EVA1C: variants seen among roughly 807,000 people sequenced by gnomAD.
EVA1C encodes the protein protein eva-1 homolog C.
A neutral mutation model predicts 45.4 loss-of-function variants in EVA1C; 25 were observed. That is an observed-to-expected ratio of 0.55 (90% confidence interval 0.40 to 0.77). The LOEUF (loss-of-function observed/expected upper bound fraction) is 0.77. EVA1C is among the 30% of genes least tolerant of loss of function. The probability of loss-of-function intolerance (pLI) is 0.00; values close to 1 mark genes in which losing one functional copy is unlikely to be tolerated. For synonymous variants in EVA1C, 190 were observed against 221.2 expected, an observed-to-expected ratio of 0.86 and a Z score of 1.25; for missense variants, 479 against 554.8, an observed-to-expected ratio of 0.86 and a Z score of 1.37.
Position 32,501,644 on chromosome 21 carries a change from T to C in EVA1C, c.859+149T>C, listed in dbSNP as rs537652588. The C allele has an allele frequency of 2.1e-4, 189 of 889,008 alleles. 2 individuals carry two copies. Among genetic ancestry groups the C allele is most frequent in the Admixed American group, 7.5e-5 (2 of 26,538 alleles). 55.1% of individuals were successfully genotyped at this position (889,008 alleles called of 1,614,324 possible). ...CGGTCCTGGTGATAATAGCGCTTAT[T>C]ATCGGCCAATAGTTGCAAATGGTGA... On this transcript the variant is annotated intron_variant, in intron 6 of 7. Transcript: ENST00000300255.
At chr21:32,416,360 A>C (rs1601189439) in intron 1 of EVA1C, among the ~76,000 whole-genome samples, 1 of 117,162 alleles carries the variant, frequency 8.5e-6, no homozygotes, top group Non-Finnish European at 1.7e-5. Flanking sequence ...ACGCAGTTTC[A>C]CTCTGTTGCC....
rs76916859 is a variant in EVA1C at position 32,460,114 on chromosome 21, A to G, written c.481+2394A>G. 1.0e-3 allele frequency among the ~76,000 whole-genome samples: 157 copies of G among 152,256 alleles called. 2 individuals carry two copies. The East Asian group carries it at 0.027, about 27-fold the overall frequency. ...TTCATATCATTTCAGCAAAGCCCCT[A>G]CTTTGCACAGGAGTGGAATATGAAG... On this transcript the variant is annotated intron_variant, in intron 3 of 7. Coordinates refer to ENST00000300255, the MANE Select transcript of EVA1C (RefSeq NM_058187.5).
chr21:32,513,555 T>TTC (rs931172510), intron 7 of EVA1C, among the ~76,000 whole-genome samples: 1 of 140,180 alleles, frequency 7.1e-6, no homozygotes, highest in East Asian at 2.0e-4. Flanking sequence ...TCTTTTCTTT[T>TTC]TTTTTTTTTT....
At position 32,466,141 on chromosome 21, in the gene EVA1C, C is replaced by T. The variant is rs2036163522; in HGVS notation, c.482-1555C>T. Among the ~76,000 whole-genome samples the T allele has an allele frequency of 2.0e-5, 3 of 152,184 alleles. No homozygotes were observed. The South Asian group carries it at 6.2e-4, about 31-fold the overall frequency. ...CTGCTTTAAAAAATCAAATCATTGG[C>T]CGGGCGCTTTGGCTCACGCCTGTAA... is the stretch of plus-strand genomic sequence containing the variant. On this transcript the variant is annotated intron_variant, in intron 3 of 7. Coordinates refer to ENST00000300255, the MANE Select transcript of EVA1C (RefSeq NM_058187.5).
intron 4 of EVA1C, among the ~76,000 whole-genome samples, chr21:32,487,325 G>A (rs1316210183): frequency 2.6e-5 from 4 of 152,218 alleles, no homozygotes; most frequent in Admixed American, 2.6e-4. Context: ...ATCACCAATG[G>A]TCAATGACTT....
rs148134314 is a variant in EVA1C at position 32,457,668 on chromosome 21, C to A, written c.429C>A (p.Asp143Glu). The change falls in exon 3 of 8, where the codon GAC becomes GAA. Residue 143 changes from aspartate to glutamate, a missense_variant. This residue lies in a region of EVA1C where 366 missense variants were observed against 426.1 expected (regional missense o/e 0.86). Coordinates refer to ENST00000300255, the MANE Select transcript of EVA1C (RefSeq NM_058187.5). ...LLVNSRVFGP[D>E]LCPGSSKYLL... ...TCAATAGCCGTGTTTTTGGACCTGA[C>A]CTTTGTCCAGGAAGCAGTAAATACC... is the stretch of plus-strand genomic sequence containing the variant. 24 of 1,613,972 alleles carry A rather than the reference C, an allele frequency of 1.5e-5. No individual in the cohort carries two copies. Among genetic ancestry groups the A allele is most frequent in the Non-Finnish European group, 2.0e-5 (24 of 1,179,986 alleles).
At chr21:32,504,715 C>T (rs1299670653) in intron 7 of EVA1C, among the ~76,000 whole-genome samples, 1 of 152,200 alleles carries the variant, frequency 6.6e-6, no homozygotes, top group Non-Finnish European at 1.5e-5. Flanking sequence ...CAGTAAAATA[C>T]ATGTTAATAT....
Position 32,418,644 on chromosome 21 carries a change from A to G in EVA1C, c.160+5631A>G, listed in dbSNP as rs141503910. On this transcript the variant is annotated intron_variant, in intron 1 of 7. Transcript: ENST00000300255. ...CAAAGTTGCCCAAGACCACCCAGCTAGGGAGCAGAGCTGAGGCAGGCTCCA... is the reference window on the plus strand; with the variant it reads ...CAAAGTTGCCCAAGACCACCCAGCTGGGGAGCAGAGCTGAGGCAGGCTCCA... Among the ~76,000 whole-genome samples, 633 of 152,336 alleles carry G rather than the reference A, an allele frequency of 4.2e-3. 5 individuals are homozygous for G. The highest frequency in any genetic ancestry group is 0.013 in the African/African-American group (544 of 41,580).
intron 1 of EVA1C, among the ~76,000 whole-genome samples, chr21:32,417,026 G>A (rs1271544246): frequency 6.6e-6 from 1 of 152,178 alleles, no homozygotes; most frequent in African/African-American, 2.4e-5. Flanking sequence ...CTATTTGCAG[G>A]TGCAGTTATA....
At chr21:32,422,537 C>A (rs1342871834) in intron 1 of EVA1C, among the ~76,000 whole-genome samples, 3 of 152,054 alleles carry the variant, frequency 2.0e-5, no homozygotes, top group Non-Finnish European at 4.4e-5. Flanking sequence ...CATACTGAAA[C>A]TGTAAAATAC....
chr21:32,468,919 G>C (rs960076198), intron 4 of EVA1C, among the ~76,000 whole-genome samples: 1 of 152,210 alleles, frequency 6.6e-6, no homozygotes, highest in Non-Finnish European at 1.5e-5. Flanking sequence ...CGCCGTCTGA[G>C]TGGATTAGGG....
Position 32,457,647 on chromosome 21 carries a change from T to C in EVA1C, c.408T>C (p.Asn136=), listed in dbSNP as rs963998924. 6 of 1,614,016 alleles carry C rather than the reference T, an allele frequency of 3.7e-6. No individual in the cohort carries two copies. The highest frequency in any genetic ancestry group is 1.6e-4 in the Middle Eastern group (1 of 6,084). ...QNQRACHLLV[N]SRVFGPDLCP... ...AGCGGGCCTGCCACCTCCTGGTCAA[T>C]AGCCGTGTTTTTGGACCTGACCTTT... is the stretch of plus-strand genomic sequence containing the variant. Residue 136 remains asparagine (N), a synonymous_variant, in exon 3 of 8, where the codon AAT becomes AAC. Transcript: ENST00000300255.
intron 7 of EVA1C, among the ~76,000 whole-genome samples, chr21:32,507,427 CGT>C (rs1362228198): frequency 1.5e-5 from 2 of 136,340 alleles, no homozygotes; most frequent in African/African-American, 2.8e-5. Flanking sequence ...TATGTGTGCA[CGT>C]GTGTGTGCAT....
rs542835639 is a variant in EVA1C at position 32,513,474 on chromosome 21, C to A, written c.950-1340C>A. Among the ~76,000 whole-genome samples the A allele has an allele frequency of 3.4e-5, 5 of 147,658 alleles. No homozygotes were observed. In the South Asian group the frequency reaches 1.1e-3, roughly 31 times the overall value. ...GATTACAGGCGTGAGCCACCGTGCC[C>A]GGCCAATACTTATTATATTATTAAT... On this transcript the variant is annotated intron_variant, in intron 7 of 7. Transcript: ENST00000300255.
intron 1 of EVA1C, among the ~76,000 whole-genome samples, chr21:32,422,302 G>A (rs2034312262): frequency 6.6e-6 from 1 of 152,082 alleles, no homozygotes; most frequent in Admixed American, 6.6e-5. Context: ...AAGCAAAACA[G>A]GTAAACATAT....
intron 1 of EVA1C, among the ~76,000 whole-genome samples, chr21:32,433,510 A>G (rs1241905339): frequency 1.3e-5 from 2 of 151,060 alleles, no homozygotes; most frequent in Admixed American, 6.6e-5. Context: ...CTCTCCTTAT[A>G]TTTACCTTCA....
intron 7 of EVA1C, 97 bp downstream of exon 7, chr21:32,504,112 G>A (rs2037647188): frequency 2.4e-6 from 2 of 839,080 alleles, no homozygotes; most frequent in South Asian, 1.6e-5. Flanking sequence ...GATAACTAAA[G>A]GACGATGACT....
intron 1 of EVA1C, among the ~76,000 whole-genome samples, chr21:32,429,305 T>G (rs2034609026): frequency 6.6e-6 from 1 of 150,922 alleles, no homozygotes; most frequent in Admixed American, 6.6e-5. Flanking sequence ...CCTCCCAAAG[T>G]GCTGGGATTT....
At chr21:32,506,940 A>G (rs2037743283) in intron 7 of EVA1C, among the ~76,000 whole-genome samples, 1 of 152,226 alleles carries the variant, frequency 6.6e-6, no homozygotes, top group African/African-American at 2.4e-5. Context: ...GAGTGTGAGC[A>G]GGGCAGTTTC....
Sources: allele counts gnomAD v4.1 joint callset (sites outside exome capture counted in the v4.1 genomes callset), GRCh38; gene constraint gnomAD v4.1.1; regional missense constraint gnomAD v4.1.1; transcripts MANE v1.5; gene names NCBI Gene and HGNC (gene_info 2026-07-23, HGNC 2026-07-21).